Variants in CTIF observed in about 807,000 individuals in gnomAD.
The protein encoded by CTIF is cap binding complex dependent translation initiation factor.
Under a neutral mutation model 66.0 loss-of-function variants are expected in CTIF, and 21 were observed. The ratio of observed to expected loss-of-function variants is 0.32; its 90% CI spans 0.23 to 0.46. The LOEUF is 0.46. CTIF is among the 20% of genes least tolerant of loss of function. The probability of loss-of-function intolerance (pLI) is 1.00; values close to 1 mark genes in which losing one functional copy is unlikely to be tolerated. For synonymous variants in CTIF, 345 were observed against 326.4 expected (o/e 1.06, Z -0.62); for missense variants, 739 against 812.7 (o/e 0.91, Z 1.10).
chr18:48,851,342 G>A (rs966768951), intron 10 of CTIF, among the ~76,000 whole-genome samples: 12 of 152,236 alleles, frequency 7.9e-5, no homozygotes, highest in African/African-American at 2.9e-4. Flanking sequence ...ATCACAGAAA[G>A]TGGAAGGCAC....
intron 6 of CTIF, among the ~76,000 whole-genome samples, chr18:48,705,904 A>G (rs1404301223): frequency 2.6e-5 from 4 of 152,200 alleles, no homozygotes; most frequent in Non-Finnish European, 5.9e-5. Context: ...TTCAACTTCA[A>G]CTATCGCACA....
At chr18:48,686,535 CG>C (rs1598869825) in intron 6 of CTIF, among the ~76,000 whole-genome samples, 2 of 141,688 alleles carry the variant, frequency 1.4e-5, no homozygotes, top group South Asian at 4.6e-4. Flanking sequence ...TCGGTTCTCA[CG>C]TTTTTTTACT....
At chr18:48,633,958 C>T (rs1469288246) in intron 2 of CTIF, among the ~76,000 whole-genome samples, 2 of 152,154 alleles carry the variant, frequency 1.3e-5, no homozygotes, top group Non-Finnish European at 2.9e-5. Flanking sequence ...GTACAATGCT[C>T]TTAACTAGAG....
intron 9 of CTIF, among the ~76,000 whole-genome samples, chr18:48,789,453 A>G (rs908581656): frequency 7.9e-5 from 12 of 152,204 alleles, no homozygotes; most frequent in South Asian, 2.1e-4. Context: ...CTATGGTTCA[A>G]TTGGACTTTG....
intron 3 of CTIF, among the ~76,000 whole-genome samples, chr18:48,652,563 G>A (rs1036002646): frequency 6.6e-6 from 1 of 152,150 alleles, no homozygotes; most frequent in Non-Finnish European, 1.5e-5. Flanking sequence ...GTACAAAGAG[G>A]AGCTGGTACC....
chr18:48,726,859 C>T (rs1221462317), intron 7 of CTIF, among the ~76,000 whole-genome samples: 1 of 152,054 alleles, frequency 6.6e-6, no homozygotes, highest in Non-Finnish European at 1.5e-5. Context: ...CCACAACCCA[C>T]CCTCTCATTC....
intron 1 of CTIF, among the ~76,000 whole-genome samples, chr18:48,614,890 GTTGTTTTGTT>G (rs60311500): frequency 2.6e-5 from 4 of 151,678 alleles, no homozygotes; most frequent in Non-Finnish European, 4.4e-5. Context: ...TTTTGTTGTT[GTTGTTTTGTT>G]TTGTTTTGTT....
At chr18:48,557,784 C>A (rs1011351941) in intron 1 of CTIF, among the ~76,000 whole-genome samples, 31 of 152,252 alleles carry the variant, frequency 2.0e-4, no homozygotes, top group African/African-American at 7.5e-4. Context: ...GCCTTGCAGA[C>A]AGCTGCCCTC....
At chr18:48,778,590 C>T (rs1910910259) in intron 9 of CTIF, among the ~76,000 whole-genome samples, 1 of 152,044 alleles carries the variant, frequency 6.6e-6, no homozygotes, top group South Asian at 2.1e-4. Context: ...GTGCCCTGGG[C>T]ACCCCATTTC....
Position 48,657,567 on chromosome 18 carries a change from T to C in CTIF, c.253-6185T>C, listed in dbSNP as rs557495226. Among the ~76,000 whole-genome samples, 14 of 152,174 alleles carry C rather than the reference T, an allele frequency of 9.2e-5. No homozygotes were observed. In the East Asian group the frequency reaches 2.7e-3, roughly 29 times the overall value. On this transcript the variant is annotated intron_variant, in intron 3 of 11. Transcript: ENST00000256413. ...GTGCTTCCAGAGCACCCCGGGGAGC[T>C]CTGCAGTACAACAATGACGAGAGGA...
intron 1 of CTIF, chr18:48,539,691 A>C (rs1365409306): frequency 1.3e-5 from 2 of 152,544 alleles, no homozygotes; most frequent in East Asian, 1.9e-4. Flanking sequence ...AGCCGCTGTC[A>C]TGTGCCGGGT....
At chr18:48,604,510 A>G (rs1357019540) in intron 1 of CTIF, among the ~76,000 whole-genome samples, 1 of 152,014 alleles carries the variant, frequency 6.6e-6, no homozygotes, top group Non-Finnish European at 1.5e-5. Context: ...TCTTTTATTC[A>G]TTTGGTCCTA....
chr18:48,610,084 T>C (rs2090278312), intron 1 of CTIF, among the ~76,000 whole-genome samples: 1 of 152,188 alleles, frequency 6.6e-6, no homozygotes, highest in African/African-American at 2.4e-5. Context: ...CAGGCCCGTC[T>C]ACCCATTCTG....
intron 1 of CTIF, among the ~76,000 whole-genome samples, chr18:48,583,174 C>T (rs906396658): frequency 6.6e-6 from 1 of 152,144 alleles, no homozygotes; most frequent in Non-Finnish European, 1.5e-5. Flanking sequence ...TGGTGTGACC[C>T]CCACACATGA....
intron 1 of CTIF, among the ~76,000 whole-genome samples, chr18:48,610,029 G>A (rs1169467243): frequency 6.6e-6 from 1 of 152,196 alleles, no homozygotes; most frequent in Non-Finnish European, 1.5e-5. Flanking sequence ...CCCACTCTGA[G>A]GGAAGGACGG....
intron 10 of CTIF, among the ~76,000 whole-genome samples, chr18:48,819,813 CTGT>C (rs1488555040): frequency 4.6e-5 from 7 of 152,364 alleles, no homozygotes; most frequent in African/African-American, 7.2e-5. Context: ...CATCCTGGCT[CTGT>C]TGTTCATCAA....
At position 48,793,943 on chromosome 18, in the gene CTIF, C is replaced by A. The variant is rs2337139; in HGVS notation, c.1372-23278C>A. Among the ~76,000 whole-genome samples, 1,510 of 152,300 alleles carry A rather than the reference C, an allele frequency of 9.9e-3. 35 individuals carry two copies. Among genetic ancestry groups the A allele is most frequent in the African/African-American group, 0.034 (1,424 of 41,556 alleles). ...ATCCTGAGTCTCCCAGCCACCCATGCCCGCACAGTGCTGGCAGTGGGATAC... is the reference window on the plus strand; with the variant it reads ...ATCCTGAGTCTCCCAGCCACCCATGACCGCACAGTGCTGGCAGTGGGATAC... On this transcript the variant is annotated intron_variant, in intron 9 of 11. Transcript: ENST00000256413.
intron 10 of CTIF, among the ~76,000 whole-genome samples, chr18:48,837,803 C>T (rs567340214): frequency 6.6e-6 from 1 of 152,142 alleles, no homozygotes; most frequent in Admixed American, 6.5e-5. Context: ...CCACTGGATG[C>T]ATCCCTCTCC....
intron 7 of CTIF, among the ~76,000 whole-genome samples, chr18:48,745,784 G>T (rs951834094): frequency 6.6e-6 from 1 of 152,178 alleles, no homozygotes; most frequent in Non-Finnish European, 1.5e-5. Context: ...ACTATCTGCT[G>T]GGGAGCCATG....
Sources: allele counts gnomAD v4.1 joint callset (sites outside exome capture counted in the v4.1 genomes callset), GRCh38; gene constraint gnomAD v4.1.1; transcripts MANE v1.5; gene names NCBI Gene and HGNC (gene_info 2026-07-23, HGNC 2026-07-21).